Variants in SLC2A9 observed in about 807,000 individuals in gnomAD.
SLC2A9 encodes solute carrier family 2, facilitated glucose transporter member 9.
Under a neutral mutation model 50.6 loss-of-function variants are expected in SLC2A9, and 39 were observed. The ratio of observed to expected loss-of-function variants is 0.77; its 90% CI spans 0.60 to 1.01. The LOEUF is 1.01. SLC2A9 is among the 50% of genes least tolerant of loss of function. The pLI is 0.00. For synonymous variants in SLC2A9, 324 were observed against 276.9 expected (o/e 1.17, Z -1.69); for missense variants, 686 against 677.6 (o/e 1.01, Z -0.14).
At chr4:9,872,353 T>C (rs187248588) in intron 10 of SLC2A9, among the ~76,000 whole-genome samples, 2 of 152,282 alleles carry the variant, frequency 1.3e-5, no homozygotes, top group African/African-American at 4.8e-5. Flanking sequence ...GAAAGTCACA[T>C]TGTCAGCTCA....
At chr4:9,814,247 C>T (rs372053107) in intron 3 of SLC2A9, among the ~76,000 whole-genome samples, 3 of 152,198 alleles carry the variant, frequency 2.0e-5, no homozygotes, top group South Asian at 4.1e-4. Flanking sequence ...GTTTGTCTTA[C>T]CTACCATTTT....
At chr4:9,798,598 T>C (rs1459770160), downstream of SLC2A9, 3 of 151,992 alleles carry the variant, frequency 2.0e-5, no homozygotes, top group South Asian at 2.1e-4. Flanking sequence ...GGGCCTTCAG[T>C]TGGAAAGTGC....
At chr4:9,905,126 C>T (rs1740404784) in intron 8 of SLC2A9, among the ~76,000 whole-genome samples, 2 of 152,356 alleles carry the variant, frequency 1.3e-5, no homozygotes, top group South Asian at 2.1e-4. Context: ...TGACAGCTGG[C>T]ACAGTATGAG....
At chr4:10,023,702 C>T (rs1301139985), upstream of SLC2A9, among the ~76,000 whole-genome samples, 3 of 152,214 alleles carry the variant, frequency 2.0e-5, no homozygotes, top group Non-Finnish European at 4.4e-5. Flanking sequence ...GCTCCTACTA[C>T]ATGTGCACAG....
chr4:9,977,690 T>A (rs1438202805), intron 5 of SLC2A9, among the ~76,000 whole-genome samples: 1 of 151,738 alleles, frequency 6.6e-6, no homozygotes, highest in East Asian at 1.9e-4. Flanking sequence ...CCCAGATAAA[T>A]CCTACTCATC....
At chr4:9,782,008 C>T (rs749289106) in intron 3 of SLC2A9, 25 of 1,438,396 alleles carry the variant, frequency 1.7e-5, no homozygotes, top group South Asian at 1.2e-4. Flanking sequence ...GCGCACAGAC[C>T]GCCCCTGCAG....
chr4:9,996,226 AATG>A (rs1220662931), intron 3 of SLC2A9, among the ~76,000 whole-genome samples: 3 of 152,250 alleles, frequency 2.0e-5, no homozygotes, highest in Admixed American at 2.0e-4. Context: ...TGGCTAAATA[AATG>A]ATGAGACAGC....
At chr4:9,995,734 T>C (rs1758533820) in intron 3 of SLC2A9, 1 of 152,248 alleles carries the variant, frequency 6.6e-6, no homozygotes, top group African/African-American at 2.4e-5. Flanking sequence ...TTCCATTCAT[T>C]TGGTCTAACT....
At chr4:9,938,150 A>T (rs1013146440) in intron 6 of SLC2A9, among the ~76,000 whole-genome samples, 8 of 152,210 alleles carry the variant, frequency 5.3e-5, no homozygotes, top group African/African-American at 1.7e-4. Context: ...TTACTTATCT[A>T]ACTGTTCTTA....
chr4:9,782,025 C>T (rs200812406), intron 3 of SLC2A9: 11 of 1,458,926 alleles, frequency 7.5e-6, no homozygotes, highest in East Asian at 4.9e-5. Context: ...GCAGTCCAGC[C>T]CGAAATGCTG....
At chr4:9,807,811 C>T (rs1312888311) in intron 3 of SLC2A9, among the ~76,000 whole-genome samples, 1 of 152,154 alleles carries the variant, frequency 6.6e-6, no homozygotes, top group Admixed American at 6.5e-5. Flanking sequence ...AGGAGAGATG[C>T]AGTTGAGGCT....
At chr4:9,942,321 G>T (rs1661096832) in intron 5 of SLC2A9, among the ~76,000 whole-genome samples, 1 of 152,156 alleles carries the variant, frequency 6.6e-6, no homozygotes, top group Non-Finnish European at 1.5e-5. Flanking sequence ...GTTGGCCAAG[G>T]CCACTCAAGG....
At chr4:10,000,549 T>C (rs1236290683) in intron 2 of SLC2A9, among the ~76,000 whole-genome samples, 1 of 152,194 alleles carries the variant, frequency 6.6e-6, no homozygotes, top group Non-Finnish European at 1.5e-5. Context: ...TCCATAATTT[T>C]GACCTCATCC....
rs191459141 is a variant in SLC2A9, at chr4:9,853,142, C to A, written c.1292-18134G>T. On this transcript the variant is annotated intron_variant, in intron 10 of 11. Coordinates refer to ENST00000264784, the MANE Select transcript of SLC2A9 (RefSeq NM_020041.3). ...AGTGAGCCGAGATTGTGCCACTGCACTCCAGCCTGGGCAACAGAGTGAAAC... is the reference window on the plus strand; with the variant it reads ...AGTGAGCCGAGATTGTGCCACTGCAATCCAGCCTGGGCAACAGAGTGAAAC... Among the ~76,000 whole-genome samples, 6 of 149,092 alleles carry A rather than the reference C, an allele frequency of 4.0e-5. No individual in the cohort carries two copies. In the East Asian group the frequency reaches 1.2e-3, roughly 29 times the overall value.
chr4:9,921,345 T>C (rs1188167461), intron 6 of SLC2A9, among the ~76,000 whole-genome samples: 2 of 152,234 alleles, frequency 1.3e-5, no homozygotes, highest in African/African-American at 4.8e-5. Flanking sequence ...CCTCTATGAA[T>C]GTGTGCTTGA....
At chr4:9,844,161 AATAAT>A (rs1560181630) in intron 10 of SLC2A9, among the ~76,000 whole-genome samples, 295 of 25,170 alleles carry the variant, frequency 0.012, 38 homozygotes, top group Middle Eastern at 0.02. Flanking sequence ...AAAAAAAAAT[AATAAT>A]AAAAAAAAAA....
chr4:9,771,430 C>T, intron 1 of SLC2A9: 3 of 398,754 alleles, frequency 7.5e-6, no homozygotes, highest in Non-Finnish European at 1.3e-5. Flanking sequence ...ACAAGGAGAT[C>T]TGCAGCACTC....
intron 1 of SLC2A9, among the ~76,000 whole-genome samples, chr4:10,030,438 C>A (rs974906641): frequency 1.3e-5 from 2 of 152,014 alleles, no homozygotes; most frequent in Non-Finnish European, 2.9e-5. Context: ...TGTACAATAC[C>A]AAGAGTGAAC....
intron 5 of SLC2A9, among the ~76,000 whole-genome samples, chr4:9,956,053 A>G (rs1014865866): frequency 9.9e-5 from 15 of 151,314 alleles, no homozygotes; most frequent in African/African-American, 3.6e-4. Flanking sequence ...AATTTTTCGT[A>G]TTTTTAGTAC....
Sources: allele counts gnomAD v4.1 joint callset (sites outside exome capture counted in the v4.1 genomes callset), GRCh38; gene constraint gnomAD v4.1.1; transcripts MANE v1.5; gene names NCBI Gene and HGNC (gene_info 2026-07-23, HGNC 2026-07-21).